The following PIP4K2A variants were observed in gnomAD, a reference collection of about 807,000 sequenced individuals.
The protein encoded by PIP4K2A is phosphatidylinositol-5-phosphate 4-kinase type 2 alpha.
A neutral mutation model predicts 42.9 loss-of-function variants in PIP4K2A; 14 were observed. That is an observed-to-expected ratio of 0.33 (90% CI 0.22 to 0.51). The LOEUF (loss-of-function observed/expected upper bound fraction) is 0.51, where lower values mean the gene tolerates loss of function less well. Ranked by LOEUF, PIP4K2A falls within the 20% of genes least tolerant of loss-of-function variation. PIP4K2A has a pLI of 0.97. For synonymous variants in PIP4K2A, 192 were observed against 192.2 expected, an observed-to-expected ratio of 1.00 and a Z score of 0.01; for missense variants, 434 against 519.8, an observed-to-expected ratio of 0.83 and a Z score of 1.61.
In PIP4K2A at chr10:22,550,825, A is replaced by C. The variant is rs1449134263; in HGVS notation, c.679-53T>G. The C allele has an allele frequency of 5.6e-6, 6 of 1,075,240 alleles. No homozygotes were observed. In the Admixed American group the frequency reaches 1.1e-4, roughly 19 times the overall value. The allele number at this position is 1,075,240 out of a possible 1,614,324, so 66.6% of individuals were successfully genotyped here. A position where few individuals can be genotyped will look rare whatever the true frequency, so the allele number is the denominator to read the frequency against. The stretch of plus-strand genomic sequence containing the variant: ...AAGGCGCTTGAAGAAAACCTAAAAA[A>C]ACCACATACACCTTCCAACCCTGGA... On this transcript the variant is annotated intron_variant, in intron 6 of 9. Coordinates refer to ENST00000376573, the MANE Select transcript of PIP4K2A (RefSeq NM_005028.5).
At chr10:22,591,946 C>T (rs772369615) in intron 3 of PIP4K2A, among the ~76,000 whole-genome samples, 165 bp from the exon 4 acceptor site, 2 of 152,226 alleles carry the variant, frequency 1.3e-5, no homozygotes, top group African/African-American at 2.4e-5. Context: ...TGCATCATAA[C>T]TCACATTGCA....
chr10:22,541,479 G>A (rs138644370), intron 8 of PIP4K2A, among the ~76,000 whole-genome samples: 84 of 152,324 alleles, frequency 5.5e-4, no homozygotes, highest in African/African-American at 2.0e-3. Flanking sequence ...ATATGTACAT[G>A]CATGTTGTGT....
At chr10:22,560,227 T>C (rs1019788140) in intron 6 of PIP4K2A, among the ~76,000 whole-genome samples, 6 of 152,144 alleles carry the variant, frequency 3.9e-5, no homozygotes, top group African/African-American at 1.4e-4. Flanking sequence ...ACAACCCCCC[T>C]TTAACCGATG....
At chr10:22,574,827 G>C (rs996323556) in intron 4 of PIP4K2A, among the ~76,000 whole-genome samples, 1 of 152,162 alleles carries the variant, frequency 6.6e-6, no homozygotes, top group African/African-American at 2.4e-5. Flanking sequence ...TGCAAAACAG[G>C]CAGTAAATAG....
intron 4 of PIP4K2A, among the ~76,000 whole-genome samples, chr10:22,590,266 C>G (rs1049791580): frequency 6.6e-6 from 1 of 152,188 alleles, no homozygotes; most frequent in Admixed American, 6.5e-5. Flanking sequence ...GACTAAGGTC[C>G]TAAAAGCAAC....
chr10:22,618,949 C>T (rs1307710917), intron 1 of PIP4K2A, among the ~76,000 whole-genome samples: 1 of 152,142 alleles, frequency 6.6e-6, no homozygotes, highest in African/African-American at 2.4e-5. Flanking sequence ...CAAAGACCAT[C>T]ATAAAGGCAT....
At chr10:22,592,985 C>T (rs535607671) in intron 3 of PIP4K2A, among the ~76,000 whole-genome samples, 27 of 152,364 alleles carry the variant, frequency 1.8e-4, no homozygotes, top group African/African-American at 6.3e-4. Context: ...TGATAGATAG[C>T]TCTGCCCATG....
At chr10:22,572,811 C>A (rs774948010) in intron 5 of PIP4K2A, among the ~76,000 whole-genome samples, 3 of 152,216 alleles carry the variant, frequency 2.0e-5, no homozygotes, top group Non-Finnish European at 4.4e-5. Context: ...ACAGTTCCCT[C>A]TGCCAGCAAT....
At chr10:22,664,627 T>C (rs1263344204) in intron 1 of PIP4K2A, among the ~76,000 whole-genome samples, 1 of 152,138 alleles carries the variant, frequency 6.6e-6, no homozygotes, top group Non-Finnish European at 1.5e-5. Flanking sequence ...GGTATATACA[T>C]GCTTTTAAAC....
chr10:22,591,281 G>A (rs1837504430), intron 4 of PIP4K2A, among the ~76,000 whole-genome samples: 2 of 152,248 alleles, frequency 1.3e-5, no homozygotes, highest in African/African-American at 4.8e-5. Flanking sequence ...TACATACTCA[G>A]AGGTCAACAC....
At position 22,685,539 on chromosome 10, in the gene PIP4K2A, A is replaced by C. The variant is rs535072029; in HGVS notation, c.144+28644T>G. Among the ~76,000 whole-genome samples, 139 of 150,596 alleles carry C rather than the reference A, an allele frequency of 9.2e-4. 1 individual carries two copies. Among genetic ancestry groups the C allele is most frequent in the African/African-American group, 3.3e-3 (135 of 40,950 alleles). On this transcript the variant is annotated intron_variant, in intron 1 of 9. Transcript: ENST00000376573. ...GTGACACCCATTTTCTATAAAAAAC[A>C]AACAAACAAACAAAAACTTTAAAAA...
Position 22,541,849 on chromosome 10 carries a change from C to G in PIP4K2A, c.991G>C (p.Glu331Gln). Reference sequence around the variant, plus strand: ...TAGACGTCGATGTTCGGATCGAACTCCCCGGGAGCCAGGGGTGGTGAGCTG... The same window carrying G: ...TAGACGTCGATGTTCGGATCGAACTGCCCGGGAGCCAGGGGTGGTGAGCTG... The part of the protein sequence containing the change: ...LNSSPPLAPG[E>Q]FDPNIDVYGI... The change falls in exon 8 of 10, where the codon GAG (glutamate) becomes CAG (glutamine). Residue 331 changes from glutamate (E) to glutamine (Q), a missense_variant. By Grantham distance (29) the Glu-to-Gln change is conservative. Coordinates refer to ENST00000376573, the MANE Select transcript of PIP4K2A (RefSeq NM_005028.5). The G allele has an allele frequency of 6.3e-7, 1 of 1,597,294 alleles. No individual in the cohort carries two copies. The highest frequency in any genetic ancestry group is 8.5e-7 in the Non-Finnish European group (1 of 1,172,160).
At chr10:22,678,298 C>G (rs1839597903) in intron 1 of PIP4K2A, among the ~76,000 whole-genome samples, 1 of 151,976 alleles carries the variant, frequency 6.6e-6, no homozygotes, top group Non-Finnish European at 1.5e-5. Flanking sequence ...GCAGATACGG[C>G]ACCACACATG....
intron 1 of PIP4K2A, among the ~76,000 whole-genome samples, chr10:22,707,366 A>C (rs566639523): frequency 6.6e-6 from 1 of 152,306 alleles, no homozygotes; most frequent in African/African-American, 2.4e-5. Flanking sequence ...AAAACTATAA[A>C]GATTTAGAAT....
At chr10:22,692,448 G>A (rs1175495840) in intron 1 of PIP4K2A, among the ~76,000 whole-genome samples, 1 of 152,094 alleles carries the variant, frequency 6.6e-6, no homozygotes, top group Non-Finnish European at 1.5e-5. Context: ...AGGGGTTGGG[G>A]ATCTGTCTTA....
At chr10:22,698,978 C>T (rs1329835832) in intron 1 of PIP4K2A, among the ~76,000 whole-genome samples, 2 of 152,178 alleles carry the variant, frequency 1.3e-5, no homozygotes, top group African/African-American at 2.4e-5. Context: ...TCACTATTGG[C>T]TATTTCCTGG....
intron 1 of PIP4K2A, among the ~76,000 whole-genome samples, chr10:22,622,948 A>G (rs375805553): frequency 8.5e-5 from 13 of 152,194 alleles, no homozygotes; most frequent in African/African-American, 2.9e-4. Flanking sequence ...GAGAAAAGAG[A>G]TGGTGTGAGA....
intron 1 of PIP4K2A, among the ~76,000 whole-genome samples, chr10:22,665,953 T>C (rs1054139525): frequency 6.6e-6 from 1 of 152,090 alleles, no homozygotes; most frequent in African/African-American, 2.4e-5. Context: ...AGGCCATATA[T>C]ATTAATTTTG....
chr10:22,643,400 C>CAGTT (rs1838818724), intron 1 of PIP4K2A, among the ~76,000 whole-genome samples: 1 of 152,170 alleles, frequency 6.6e-6, no homozygotes, highest in Non-Finnish European at 1.5e-5. Flanking sequence ...GCCTAAAATA[C>CAGTT]TTACTGTCTT....
Sources: gnomAD v4.1 joint callset for allele counts (sites outside exome capture counted in the v4.1 genomes callset) on GRCh38, gnomAD v4.1.1 for gene constraint, MANE v1.5 for transcripts, NCBI Gene and HGNC (gene_info 2026-07-23, HGNC 2026-07-21) for gene names.